GALNT18: variants seen among roughly 807,000 people sequenced by gnomAD.
GALNT18 encodes polypeptide N-acetylgalactosaminyltransferase 18.
Under a neutral mutation model 69.5 loss-of-function variants are expected in GALNT18, and 44 were observed. That is an observed-to-expected ratio of 0.63 (90% CI 0.50 to 0.81). The LOEUF (loss-of-function observed/expected upper bound fraction) is 0.81. Ranked by LOEUF, GALNT18 falls within the 40% of genes least tolerant of loss-of-function variation. GALNT18 has a pLI of 0.00. For missense variants in GALNT18, 715 were observed against 810.0 expected (o/e 0.88, Z 1.42); for synonymous variants, 364 against 318.2 (o/e 1.14, Z -1.53).
intron 8 of GALNT18, among the ~76,000 whole-genome samples, chr11:11,328,943 G>A (rs149242161): frequency 2.0e-5 from 3 of 152,204 alleles, no homozygotes; most frequent in African/African-American, 7.2e-5. Context: ...GAGAGGGTGG[G>A]TGTCTTTTGA....
At chr11:11,407,228 G>A (rs952863757) in intron 3 of GALNT18, among the ~76,000 whole-genome samples, 13 of 152,188 alleles carry the variant, frequency 8.5e-5, no homozygotes, top group Non-Finnish European at 1.9e-4. Context: ...GATGGCAGGG[G>A]CTGGTTTTAA....
Position 11,309,610 on chromosome 11 carries a change from C to T in GALNT18, c.1513-16417G>A, listed in dbSNP as rs1849636765. ...ACCTGTTCCCTGGAGGCTAGCACCACCAGAGAAAATTCATGGAACTGGGTA... is the reference window on the plus strand; with the variant it reads ...ACCTGTTCCCTGGAGGCTAGCACCATCAGAGAAAATTCATGGAACTGGGTA... On this transcript the variant is annotated intron_variant, in intron 9 of 10. Transcript: ENST00000227756. This position sits in a 1 kb window ranked among gnomAD's most constrained non-coding sequence, Gnocchi z 4.6. Among the ~76,000 whole-genome samples the T allele has an allele frequency of 1.3e-5, 2 of 152,090 alleles. No homozygotes were observed. Among genetic ancestry groups the T allele is most frequent in the African/African-American group, 2.4e-5 (1 of 41,404 alleles).
At position 11,404,924 on chromosome 11, in the gene GALNT18, G is replaced by C. The variant is rs894886819; in HGVS notation, c.596-25660C>G. ...CCACCCAGGCCAATCATGTTTCCTA[G>C]AGCAGAGCATGAAAGGGGTCCCGCC... On this transcript the variant is annotated intron_variant, in intron 3 of 10. Transcript: ENST00000227756. This position sits in a 1 kb window ranked among gnomAD's most constrained non-coding sequence, Gnocchi z 4.5. Among the ~76,000 whole-genome samples, 9 of 152,110 alleles carry C rather than the reference G, an allele frequency of 5.9e-5. No individual in the cohort carries two copies. The highest frequency in any genetic ancestry group is 2.2e-4 in the African/African-American group (9 of 41,418).
intron 2 of GALNT18, among the ~76,000 whole-genome samples, chr11:11,443,447 C>T (rs1050633448): frequency 6.6e-6 from 1 of 152,108 alleles, no homozygotes; most frequent in Non-Finnish European, 1.5e-5. Context: ...GGCATGTGTA[C>T]GCCTCTGTAG....
intron 10 of GALNT18, among the ~76,000 whole-genome samples, chr11:11,289,504 T>A (rs1027382932): frequency 6.6e-6 from 1 of 152,064 alleles, no homozygotes; most frequent in Non-Finnish European, 1.5e-5. Flanking sequence ...TTTCAAGCCA[T>A]GCCCTGGGAT....
intron 10 of GALNT18, among the ~76,000 whole-genome samples, chr11:11,287,728 C>A (rs572841654): frequency 1.3e-5 from 2 of 152,270 alleles, no homozygotes; most frequent in South Asian, 2.1e-4. Flanking sequence ...CTGAAGGCAA[C>A]AACTGCCACT....
At chr11:11,593,155 C>T (rs527882016) in intron 1 of GALNT18, among the ~76,000 whole-genome samples, 1 of 152,250 alleles carries the variant, frequency 6.6e-6, no homozygotes, top group African/African-American at 2.4e-5. Context: ...CCTCGTGATC[C>T]GCCCGCCTCG....
chr11:11,284,083 T>C (rs1401982024), intron 10 of GALNT18, among the ~76,000 whole-genome samples: 1 of 152,184 alleles, frequency 6.6e-6, no homozygotes, highest in Non-Finnish European at 1.5e-5. Flanking sequence ...GCTTCAGTCT[T>C]GTCACTTGCA....
intron 3 of GALNT18, among the ~76,000 whole-genome samples, chr11:11,422,894 T>A (rs2220316): frequency 0.011 from 1,696 of 152,304 alleles, 39 homozygotes; most frequent in African/African-American, 0.039. Context: ...TTCACAGTTG[T>A]GCAATTATTT....
At chr11:11,513,120 G>C (rs528217342) in intron 1 of GALNT18, among the ~76,000 whole-genome samples, 1 of 152,334 alleles carries the variant, frequency 6.6e-6, no homozygotes, top group East Asian at 1.9e-4. Context: ...ATGAAGATGA[G>C]CTTGTAGTGT....
chr11:11,509,912 C>A (rs1857135393), intron 1 of GALNT18, among the ~76,000 whole-genome samples: 1 of 152,260 alleles, frequency 6.6e-6, no homozygotes, highest in African/African-American at 2.4e-5. Flanking sequence ...ACTCCCAGCA[C>A]CACGCAGAAA....
intron 3 of GALNT18, among the ~76,000 whole-genome samples, chr11:11,386,215 T>C (rs577618208): frequency 2.6e-4 from 39 of 152,292 alleles, no homozygotes; most frequent in African/African-American, 9.1e-4. Context: ...TGGGATGACA[T>C]TGCAGAGTCT....
At chr11:11,466,261 C>T (rs1856153998) in intron 1 of GALNT18, among the ~76,000 whole-genome samples, 1 of 152,200 alleles carries the variant, frequency 6.6e-6, no homozygotes, top group Non-Finnish European at 1.5e-5. Flanking sequence ...CAACGGACTG[C>T]AACCTTTATA....
intron 1 of GALNT18, among the ~76,000 whole-genome samples, chr11:11,611,012 G>T (rs1326415313): frequency 1.3e-5 from 2 of 152,164 alleles, no homozygotes; most frequent in Non-Finnish European, 2.9e-5. Context: ...TGCTAACCAA[G>T]GCACAGCTAA....
chr11:11,302,191 C>G (rs1341926193), intron 9 of GALNT18, among the ~76,000 whole-genome samples: 1 of 152,172 alleles, frequency 6.6e-6, no homozygotes, highest in African/African-American at 2.4e-5. Context: ...AGTGCCCCCA[C>G]TTGTTAGCAC....
In GALNT18 at chr11:11,287,976, A is replaced by C. The variant is rs80346212; in HGVS notation, c.1677+5053T>G. Reference sequence around the variant, plus strand: ...CTCCCTGATAGCTGCATGTCCCCACACCCCTGTGGCAACCAAGTCCTCCTA... The same window carrying C: ...CTCCCTGATAGCTGCATGTCCCCACCCCCCTGTGGCAACCAAGTCCTCCTA... On this transcript the variant is annotated intron_variant, in intron 10 of 10. Transcript: ENST00000227756. Among the ~76,000 whole-genome samples the C allele has an allele frequency of 2.9e-3, 438 of 152,122 alleles. 2 individuals carry two copies. Among genetic ancestry groups the C allele is most frequent in the African/African-American group, 1.0e-2 (415 of 41,512 alleles).
intron 3 of GALNT18, among the ~76,000 whole-genome samples, chr11:11,393,203 C>A (rs1313327477): frequency 1.3e-5 from 2 of 152,142 alleles, no homozygotes; most frequent in Non-Finnish European, 2.9e-5. Flanking sequence ...CAGGACAAAA[C>A]CTTTCTTATC....
At chr11:11,408,536 A>AG (rs1854647659) in intron 3 of GALNT18, among the ~76,000 whole-genome samples, 1 of 152,134 alleles carries the variant, frequency 6.6e-6, no homozygotes, top group Non-Finnish European at 1.5e-5. Flanking sequence ...CTGCCTTCCA[A>AG]GAGTCGCCGT....
intron 1 of GALNT18, among the ~76,000 whole-genome samples, chr11:11,585,962 G>A (rs1338878819): frequency 2.6e-5 from 4 of 152,046 alleles, no homozygotes; most frequent in African/African-American, 9.7e-5. Flanking sequence ...GAGCCCTCAT[G>A]GGTGGGATTT....
Sources: gnomAD v4.1 joint callset for allele counts (sites outside exome capture counted in the v4.1 genomes callset) on GRCh38, gnomAD v4.1.1 for gene constraint, Gnocchi (gnomAD v3.1) non-coding constraint, MANE v1.5 for transcripts, NCBI Gene and HGNC (gene_info 2026-07-23, HGNC 2026-07-21) for gene names.